The following LONRF2 variants were observed in gnomAD, a reference collection of about 807,000 sequenced individuals.
The protein encoded by LONRF2 is LON peptidase N-terminal domain and RING finger protein 2.
In LONRF2, 35 loss-of-function variants were observed where a neutral mutation model predicts 66.6. That is an observed-to-expected ratio of 0.53 (90% confidence interval 0.40 to 0.70). The LOEUF is 0.70. Ranked by LOEUF, LONRF2 falls within the 30% of genes least tolerant of loss-of-function variation. The pLI is 0.00. For missense variants in LONRF2, 902 were observed against 1,002.1 expected (o/e 0.90, Z 1.35); for synonymous variants, 417 against 418.1 (o/e 1.00, Z 0.03).
Position 100,276,681 on chromosome 2 carries a change from C to T in LONRF2, c.*7617G>A, listed in dbSNP as rs1259096808. 1 of 152,152 alleles carries T rather than the reference C, an allele frequency of 6.6e-6. No individual in the cohort carries two copies. Among genetic ancestry groups the T allele is most frequent in the Non-Finnish European group, 1.5e-5 (1 of 68,038 alleles). 9.4% of individuals were successfully genotyped at this position (152,152 alleles called of 1,614,324 possible). ...GTGCCTCATGGTGGATTACTACAAC[C>T]TTATTGCTGCAGTCCCATCCATTAC... On this transcript the variant is annotated 3_prime_UTR_variant, in exon 12 of 12. Coordinates refer to ENST00000393437, the MANE Select transcript of LONRF2 (RefSeq NM_198461.4).
At chr2:100,293,623 C>T (rs181230579) in intron 9 of LONRF2, among the ~76,000 whole-genome samples, 3 of 152,332 alleles carry the variant, frequency 2.0e-5, no homozygotes, top group Admixed American at 2.0e-4. Flanking sequence ...GCAACACCCT[C>T]TCTGGACAAA....
rs748567670 is a variant in LONRF2 at position 100,321,622 on chromosome 2, A to C, written c.472T>G (p.Cys158Gly). ...CAGCGCTTGCAGACTGTGAGCCCGCAGGGCAGCGTCACCGGCTTATGCAGC... is the reference window on the plus strand; with the variant it reads ...CAGCGCTTGCAGACTGTGAGCCCGCCGGGCAGCGTCACCGGCTTATGCAGC... ...RLLHKPVTLP[C>G]GLTVCKRCVE... is the part of the protein sequence containing the mutation. Residue 158 changes from cysteine to glycine, a missense_variant, in exon 1 of 12, where the codon TGC becomes GGC. Cys to Gly is a radical substitution (Grantham distance 159). Coordinates refer to ENST00000393437, the MANE Select transcript of LONRF2 (RefSeq NM_198461.4). The C allele has an allele frequency of 6.7e-7, 1 of 1,491,278 alleles. No individual in the cohort carries two copies. The allele number at this position is 1,491,278 out of a possible 1,614,324, so 92.4% of individuals were successfully genotyped here.
intron 8 of LONRF2, among the ~76,000 whole-genome samples, chr2:100,294,747 C>T (rs1018528079): frequency 2.7e-4 from 41 of 152,166 alleles, no homozygotes; most frequent in Non-Finnish European, 2.5e-4. Context: ...AAGATCGCTA[C>T]TAAAATACAA....
Position 100,276,555 on chromosome 2 carries a change from CA to C in LONRF2, c.*7742del, listed in dbSNP as rs1674605226. 6.6e-6 allele frequency: 1 copy of C among 151,998 alleles called. No individual in the cohort carries two copies. Among genetic ancestry groups the C allele is most frequent in the Non-Finnish European group, 1.5e-5 (1 of 68,016 alleles). 9.4% of individuals were successfully genotyped at this position (151,998 alleles called of 1,614,324 possible). Reference sequence around the variant, plus strand: ...GTTAAAACAGTTAATATGAGGTATTCAAGGATTAAAACTTACTAATTAATAA... The same window carrying C: ...GTTAAAACAGTTAATATGAGGTATTCAGGATTAAAACTTACTAATTAATAA... On this transcript the variant is annotated 3_prime_UTR_variant, in exon 12 of 12. Coordinates refer to ENST00000393437, the MANE Select transcript of LONRF2 (RefSeq NM_198461.4).
At position 100,281,744 on chromosome 2, in the gene LONRF2, A is replaced by G. The variant is rs1461444153; in HGVS notation, c.*2554T>C. ...AGTACAATTAAGCTGGAATGTCCTG[A>G]CATTGAATGAGAGATTACATTATTT... On this transcript the variant is annotated 3_prime_UTR_variant, in exon 12 of 12. Coordinates refer to ENST00000393437, the MANE Select transcript of LONRF2 (RefSeq NM_198461.4). 6.6e-6 allele frequency: 1 copy of G among 152,214 alleles called. No homozygotes were observed. Among genetic ancestry groups the G allele is most frequent in the African/African-American group, 2.4e-5 (1 of 41,450 alleles). 9.4% of individuals were successfully genotyped at this position (152,214 alleles called of 1,614,324 possible).
intron 1 of LONRF2, 149 bp from the exon 2 acceptor site, chr2:100,309,374 G>T (rs1400498366): frequency 5.1e-6 from 2 of 393,804 alleles, no homozygotes; most frequent in East Asian, 4.0e-5. Context: ...AACAAAATAA[G>T]AAAGAATTCC....
At position 100,278,234 on chromosome 2, in the gene LONRF2, T is replaced by A. The variant is rs927230159; in HGVS notation, c.*6064A>T. 3.9e-5 allele frequency: 6 copies of A among 152,136 alleles called. No individual in the cohort carries two copies. Among genetic ancestry groups the A allele is most frequent in the African/African-American group, 1.4e-4 (6 of 41,424 alleles). 9.4% of individuals were successfully genotyped at this position (152,136 alleles called of 1,614,324 possible). On this transcript the variant is annotated 3_prime_UTR_variant, in exon 12 of 12. Transcript: ENST00000393437. ...CAAACTTTAAAAAACATTACCATAG[T>A]CCCCTTTAAACATAAAAAGAGGGCT...
Position 100,279,953 on chromosome 2 carries a change from C to T in LONRF2, c.*4345G>A, listed in dbSNP as rs13033057. On this transcript the variant is annotated 3_prime_UTR_variant, in exon 12 of 12. Coordinates refer to ENST00000393437, the MANE Select transcript of LONRF2 (RefSeq NM_198461.4). ...CCCGGTGTGGTCTGCTGGGCCTCTC[C>T]TTCTTTCATTTCTGTAGGAATTGTG... 94,923 of 152,058 alleles carry T rather than the reference C, an allele frequency of 0.62. 30,186 individuals carry two copies. The highest frequency in any genetic ancestry group is 0.94 in the East Asian group (4,847 of 5,150). 9.4% of individuals were successfully genotyped at this position (152,058 alleles called of 1,614,324 possible).
rs1432854205 is a variant in LONRF2, at chr2:100,295,479, C to T, written c.1551G>A (p.Leu517=). 6.2e-7 allele frequency: 1 copy of T among 1,613,596 alleles called. No homozygotes were observed. Among genetic ancestry groups the T allele is most frequent in the East Asian group, 2.2e-5 (1 of 44,860 alleles). The part of the protein sequence containing the change: ...ELIFRYLPDE[L]SDRKRIYDEE... Reference sequence around the variant, plus strand: ...CATCATAAATTCTCTTCCTATCAGACAATTCATCCGGCAAATATCGAAATA... The same window carrying T: ...CATCATAAATTCTCTTCCTATCAGATAATTCATCCGGCAAATATCGAAATA... Residue 517 remains leucine (L), a synonymous_variant, in exon 8 of 12, where the codon TTG becomes TTA. Coordinates refer to ENST00000393437, the MANE Select transcript of LONRF2 (RefSeq NM_198461.4).
intron 11 of LONRF2, among the ~76,000 whole-genome samples, chr2:100,285,216 T>C (rs1041628324): frequency 6.6e-6 from 1 of 152,018 alleles, no homozygotes; most frequent in African/African-American, 2.4e-5. Flanking sequence ...GCTGGGAGGG[T>C]GAACTCTGGA....
At chr2:100,310,893 T>G (rs563403010) in intron 1 of LONRF2, among the ~76,000 whole-genome samples, 1 of 152,224 alleles carries the variant, frequency 6.6e-6, no homozygotes, top group Non-Finnish European at 1.5e-5. Context: ...AAGTACTTTT[T>G]TGTAATACAG....
Position 100,299,902 on chromosome 2 carries a change from G to C in LONRF2, c.1082C>G (p.Ser361Cys), listed in dbSNP as rs1390434901. The C allele has an allele frequency of 1.3e-6, 2 of 1,591,034 alleles. No individual in the cohort carries two copies. Among genetic ancestry groups the C allele is most frequent in the African/African-American group, 1.3e-5 (1 of 74,078 alleles). ...AGSSENSSEKSDMLGNTNSSV... is the reference protein window; with the variant it reads ...AGSSENSSEKCDMLGNTNSSV... ...AGAATTGGTATTTCCAAGCATATCA[G>C]ATTTCTCAGATGAATTCTGGTTAAG... The change falls in exon 5 of 12, where the codon TCT (serine) becomes TGT (cysteine). Residue 361 changes from serine (S) to cysteine (C), a missense_variant. Physicochemically the swap from Ser to Cys is moderately radical, Grantham distance 112 (BLOSUM62 -1). This residue lies in a region of LONRF2 where 585 missense variants were observed against 569.9 expected (regional missense o/e 1.03). Transcript: ENST00000393437.
At position 100,303,042 on chromosome 2, in the gene LONRF2, C is replaced by T. The variant is rs1675219923; in HGVS notation, c.800G>A (p.Gly267Glu). 1.3e-6 allele frequency: 2 copies of T among 1,590,788 alleles called. No homozygotes were observed. Among genetic ancestry groups the T allele is most frequent in the Non-Finnish European group, 8.5e-7 (1 of 1,169,748 alleles). The change falls in exon 3 of 12, where the codon GGA becomes GAA. Residue 267 changes from glycine to glutamate, a missense_variant and splice_region_variant. Coordinates refer to ENST00000393437, the MANE Select transcript of LONRF2 (RefSeq NM_198461.4). ...AAGAGCCTGAGCTTTTACTTGATGT[C>T]CCTAGATTCACCGAAGACAAAGTGT... ...ACQNEPLLIK[G>E]HQVKAQALSG...
At chr2:100,288,502 G>T (rs1362443299) in intron 10 of LONRF2, among the ~76,000 whole-genome samples, 1 of 152,188 alleles carries the variant, frequency 6.6e-6, no homozygotes, top group Non-Finnish European at 1.5e-5. Flanking sequence ...ATAATTTACA[G>T]ACCAAAAAGT....
Position 100,278,276 on chromosome 2 carries a change from T to A in LONRF2, c.*6022A>T, listed in dbSNP as rs1674639836. ...AAGAGGGCTATGTCTTGCATTCTTG[T>A]ATATAAAAGCTCATTACATATTGGG... On this transcript the variant is annotated 3_prime_UTR_variant, in exon 12 of 12. Transcript: ENST00000393437. The A allele has an allele frequency of 6.6e-6, 1 of 152,180 alleles. No individual in the cohort carries two copies. Among genetic ancestry groups the A allele is most frequent in the Non-Finnish European group, 1.5e-5 (1 of 68,034 alleles). The allele number at this position is 152,180 out of a possible 1,614,324, so 9.4% of individuals were successfully genotyped here. A position where few individuals can be genotyped will look rare whatever the true frequency, so the allele number is the denominator to read the frequency against.
chr2:100,286,240 C>T (rs753137309), intron 11 of LONRF2, among the ~76,000 whole-genome samples: 13 of 152,176 alleles, frequency 8.5e-5, no homozygotes, highest in Non-Finnish European at 1.2e-4. Flanking sequence ...CAATCCCCCT[C>T]CCCTACTGTC....
At chr2:100,306,895 T>C (rs551097269) in intron 2 of LONRF2, among the ~76,000 whole-genome samples, 5,628 of 39,268 alleles carry the variant, frequency 0.14, 310 homozygotes, top group South Asian at 0.34. Flanking sequence ...TTAAACTTAC[T>C]TTTTTTTTTT....
Position 100,290,370 on chromosome 2 carries a change from G to A in LONRF2, c.1808C>T (p.Pro603Leu), listed in dbSNP as rs775516897. ...CGCGTCTACAACAGAACTTCCATCA[G>A]GAAACGTTCTCACGTCCTTAATCTC... ...MLEIKDVRTF[P>L]DGSSVVDAIG... The change falls in exon 10 of 12, where the codon CCT becomes CTT. Residue 603 changes from proline to leucine, a missense_variant. Coordinates refer to ENST00000393437, the MANE Select transcript of LONRF2 (RefSeq NM_198461.4). 6.2e-7 allele frequency: 1 copy of A among 1,614,080 alleles called. No individual in the cohort carries two copies. Among genetic ancestry groups the A allele is most frequent in the Non-Finnish European group, 8.5e-7 (1 of 1,180,004 alleles).
intron 1 of LONRF2, among the ~76,000 whole-genome samples, chr2:100,309,763 C>A (rs184909699): frequency 6.6e-6 from 1 of 152,080 alleles, no homozygotes; most frequent in African/African-American, 2.4e-5. Context: ...ACCTCTGCCT[C>A]CTGGGTTCAA....
Sources: gnomAD v4.1 joint callset for allele counts (sites outside exome capture counted in the v4.1 genomes callset) on GRCh38, gnomAD v4.1.1 for gene constraint, gnomAD v4.1.1 regional missense constraint, MANE v1.5 for transcripts, NCBI Gene and HGNC (gene_info 2026-07-23, HGNC 2026-07-21) for gene names.